Variants in PMPCB observed in about 807,000 individuals in gnomAD.
PMPCB encodes the protein peptidase, mitochondrial processing subunit beta.
PMPCB carries 46 observed loss-of-function variants against 61.5 expected under a neutral mutation model. The ratio of observed to expected loss-of-function variants is 0.75; its 90% CI spans 0.59 to 0.96. The LOEUF is 0.96. Ranked by LOEUF, PMPCB falls within the 40% of genes least tolerant of loss-of-function variation. PMPCB has a pLI of 0.00. For synonymous variants in PMPCB, 191 were observed against 201.6 expected, an observed-to-expected ratio of 0.95 and a Z score of 0.44; for missense variants, 590 against 602.4, an observed-to-expected ratio of 0.98 and a Z score of 0.22.
intron 4 of PMPCB, among the ~76,000 whole-genome samples, chr7:103,301,270 TAAG>T (rs779560733): frequency 2.0e-5 from 3 of 152,168 alleles, no homozygotes; most frequent in Admixed American, 1.3e-4. Flanking sequence ...AACAATAAAA[TAAG>T]AAACCTATCA....
chr7:103,315,474 A>G (rs1044151151), downstream of PMPCB, among the ~76,000 whole-genome samples: 1 of 152,180 alleles, frequency 6.6e-6, no homozygotes, highest in African/African-American at 2.4e-5. Context: ...TTATCCCGAT[A>G]TAACACTATT....
the PMPCB span, among the ~76,000 whole-genome samples, chr7:103,345,779 G>C: frequency 6.6e-6 from 1 of 151,694 alleles, no homozygotes; most frequent in Non-Finnish European, 1.5e-5. Flanking sequence ...TAATTGGTCT[G>C]TATATCTGCT....
chr7:103,327,734 G>A, intron 12 of PMPCB: 2 of 1,612,728 alleles, frequency 1.2e-6, no homozygotes, highest in Non-Finnish European at 1.7e-6. Flanking sequence ...TCTGGGTGAT[G>A]TTTTAAAACC....
At chr7:103,319,718 C>A in intron 12 of PMPCB, 1 of 1,613,946 alleles carries the variant, frequency 6.2e-7, no homozygotes. Context: ...TTATCCTAAG[C>A]TCAAGTGAAG....
At chr7:103,344,749 G>A in the PMPCB span, 1 of 950,574 alleles carries the variant, frequency 1.1e-6, no homozygotes, top group East Asian at 2.5e-5. Context: ...CCAGGAACCG[G>A]CGCATGGAGA....
chr7:103,322,933 A>AT (rs375301640), intron 12 of PMPCB: 40,945 of 553,422 alleles, frequency 0.074, no homozygotes, highest in East Asian at 0.09. Flanking sequence ...TTAAACAATG[A>AT]TTTTTTTTTT....
Position 103,311,913 on chromosome 7 carries a change from T to A in PMPCB, c.1329+17T>A, listed in dbSNP as rs1242395833. 1 of 1,548,768 alleles carries A rather than the reference T, an allele frequency of 6.5e-7. No homozygotes were observed. Among genetic ancestry groups the A allele is most frequent in the Non-Finnish European group, 8.9e-7 (1 of 1,126,504 alleles). ...AGAATTGATGTAAGTAGTCCTGAGT[T>A]ACTATTGGGTCATGTGTAAAAAGAT... On this transcript the variant is annotated intron_variant, in intron 11 of 12. Transcript: ENST00000249269.
At chr7:103,321,694 A>G (rs574529141) in intron 12 of PMPCB, among the ~76,000 whole-genome samples, 2 of 151,840 alleles carry the variant, frequency 1.3e-5, no homozygotes, top group Non-Finnish European at 2.9e-5. Flanking sequence ...CTAAAAATAC[A>G]AAAAATTAGC....
At chr7:103,297,584 G>A in intron 1 of PMPCB, 26 bp downstream of exon 1, 2 of 1,612,100 alleles carry the variant, frequency 1.2e-6, no homozygotes, top group South Asian at 2.2e-5. Flanking sequence ...GGCCGGTCCT[G>A]TCCTCGAGAT....
the PMPCB span, chr7:103,344,495 G>A: frequency 3.8e-6 from 6 of 1,584,374 alleles, no homozygotes; most frequent in African/African-American, 2.7e-5. Flanking sequence ...CAGGGTTGCC[G>A]AGGCGGAGGA....
At chr7:103,306,428 G>A (rs1011780346) in intron 6 of PMPCB, among the ~76,000 whole-genome samples, 1 of 150,292 alleles carries the variant, frequency 6.7e-6, no homozygotes, top group Non-Finnish European at 1.5e-5. Context: ...TATTGCCCAG[G>A]CTGGAGTACA....
At chr7:103,324,707 C>A in intron 12 of PMPCB, 1 of 828,904 alleles carries the variant, frequency 1.2e-6, no homozygotes, top group Non-Finnish European at 1.7e-6. Context: ...GAAGATGGAG[C>A]TGGAAGGTCA....
rs199611544 is a variant in PMPCB at position 103,299,482 on chromosome 7, G to C, written c.280G>C (p.Glu94Gln). Residue 94 changes from glutamate (E) to glutamine (Q), a missense_variant, in exon 3 of 13, where the codon GAG (glutamate) becomes CAG (glutamine). Physicochemically the swap from Glu to Gln is conservative, Grantham distance 29 (BLOSUM62 2). Transcript: ENST00000249269. ...WIDAGSRYENEKNNGTAHFLE... is the reference protein window; with the variant it reads ...WIDAGSRYENQKNNGTAHFLE... ...TGATGCTGGAAGTAGATACGAAAAT[G>C]AGAAGAACAATGGAACAGCACACTT... 1 of 1,613,024 alleles carries C rather than the reference G, an allele frequency of 6.2e-7. No individual in the cohort carries two copies. The highest frequency in any genetic ancestry group is 1.3e-5 in the African/African-American group (1 of 75,040).
At position 103,313,830 on chromosome 7, in the gene PMPCB, A is replaced by G. The variant is rs1817895481; in HGVS notation, c.*1559A>G. ...TATTACACAGTCCACTTGTGTAGGT[A>G]AAAGTAGAATGTTAAGTGGTAGAAA... On this transcript the variant is annotated 3_prime_UTR_variant, in exon 13 of 13. Coordinates refer to ENST00000249269, the MANE Select transcript of PMPCB (RefSeq NM_004279.3). 1.0e-6 allele frequency: 1 copy of G among 985,206 alleles called. No homozygotes were observed. Among genetic ancestry groups the G allele is most frequent in the Non-Finnish European group, 1.2e-6 (1 of 829,710 alleles). 61.0% of individuals were successfully genotyped at this position (985,206 alleles called of 1,614,324 possible).
chr7:103,299,906 G>C (rs1817402344), intron 3 of PMPCB, among the ~76,000 whole-genome samples: 1 of 150,092 alleles, frequency 6.7e-6, no homozygotes, highest in Non-Finnish European at 1.5e-5. Context: ...GTAGCTGGGA[G>C]TATCTATATA....
chr7:103,322,122 A>G (rs1186106524), intron 12 of PMPCB: 1 of 1,422,360 alleles, frequency 7.0e-7, no homozygotes, highest in Non-Finnish European at 9.4e-7. Context: ...TAGGTACAGT[A>G]AAATTCCTAA....
chr7:103,300,883 C>G (rs1586039324), intron 4 of PMPCB, among the ~76,000 whole-genome samples: 1 of 152,116 alleles, frequency 6.6e-6, no homozygotes, highest in Non-Finnish European at 1.5e-5. Context: ...TGGGTTCTAC[C>G]ATGTTGGCCA....
intron 2 of PMPCB, among the ~76,000 whole-genome samples, chr7:103,299,078 A>G (rs1409626001): frequency 6.6e-6 from 1 of 152,234 alleles, no homozygotes; most frequent in Non-Finnish European, 1.5e-5. Context: ...TAGTTAAGGA[A>G]GTGAGAGAAG....
At chr7:103,326,884 T>A in intron 12 of PMPCB, among the ~76,000 whole-genome samples, 1 of 152,202 alleles carries the variant, frequency 6.6e-6, no homozygotes, top group Non-Finnish European at 1.5e-5. Context: ...TCCTTCTTTA[T>A]TTTTCTAGTA....
Sources: allele counts gnomAD v4.1 joint callset (sites outside exome capture counted in the v4.1 genomes callset), GRCh38; gene constraint gnomAD v4.1.1; transcripts MANE v1.5; gene names NCBI Gene and HGNC (gene_info 2026-07-23, HGNC 2026-07-21).